Variants in SEPTIN11 observed in about 807,000 individuals in gnomAD.
SEPTIN11 encodes septin 11.
A neutral mutation model predicts 51.4 loss-of-function variants in SEPTIN11; 25 were observed. The ratio of observed to expected loss-of-function variants is 0.49; its 90% CI spans 0.35 to 0.68. The LOEUF (loss-of-function observed/expected upper bound fraction) is 0.68, where lower values mean the gene tolerates loss of function less well. Ranked by LOEUF, SEPTIN11 falls within the 30% of genes least tolerant of loss-of-function variation. The pLI is 0.00. For missense variants in SEPTIN11, 381 were observed against 520.8 expected (o/e 0.73, Z 2.61); for synonymous variants, 174 against 184.1 (o/e 0.95, Z 0.44).
chr4:76,973,940 A>C (rs955789616), intron 1 of SEPTIN11, among the ~76,000 whole-genome samples: 1 of 152,294 alleles, frequency 6.6e-6, no homozygotes, highest in South Asian at 2.1e-4. Flanking sequence ...TACACCACCA[A>C]CATTTTATAT....
At chr4:77,028,795 T>C (rs920052108) in intron 8 of SEPTIN11, 34 bp downstream of exon 8, 3 of 1,582,954 alleles carry the variant, frequency 1.9e-6, no homozygotes, top group African/African-American at 2.7e-5. Flanking sequence ...GGGAAAGATT[T>C]GTAAGAGAGA....
chr4:77,035,924 A>G lies in SEPTIN11; in HGVS notation c.*1412A>G, dbSNP rs1435476655. The stretch of plus-strand genomic sequence containing the variant: ...AGCTTTCTCTCTACATGTAGAAAGG[A>G]TAACATTTCTCATGAACCCACTGCC... On this transcript the variant is annotated 3_prime_UTR_variant, in exon 10 of 10. Coordinates refer to ENST00000264893, the MANE Select transcript of SEPTIN11 (RefSeq NM_018243.4). 1.0e-6 allele frequency: 1 copy of G among 985,684 alleles called. No individual in the cohort carries two copies. Among genetic ancestry groups the G allele is most frequent in the African/African-American group, 1.7e-5 (1 of 57,250 alleles). The allele number at this position is 985,684 out of a possible 1,614,324, so 61.1% of individuals were successfully genotyped here.
Position 76,984,021 on chromosome 4 carries a change from A to G in SEPTIN11, c.28-12404A>G, listed in dbSNP as rs1202223989. ...GACTCCATTTCAGGGAAAAAAAGAAAAGAAAAAAAGAACTCTTAGGAAGAC... is the reference window on the plus strand; with the variant it reads ...GACTCCATTTCAGGGAAAAAAAGAAGAGAAAAAAAGAACTCTTAGGAAGAC... On this transcript the variant is annotated intron_variant, in intron 1 of 9. Coordinates refer to ENST00000264893, the MANE Select transcript of SEPTIN11 (RefSeq NM_018243.4). The surrounding 1 kb of genome is among the most constrained non-coding windows in gnomAD (Gnocchi z 4.1). Among the ~76,000 whole-genome samples the G allele has an allele frequency of 6.6e-6, 1 of 152,234 alleles. No individual in the cohort carries two copies. Among genetic ancestry groups the G allele is most frequent in the Non-Finnish European group, 1.5e-5 (1 of 68,050 alleles).
intron 1 of SEPTIN11, among the ~76,000 whole-genome samples, chr4:76,983,728 G>A (rs1722887005): frequency 6.6e-6 from 1 of 152,208 alleles, no homozygotes; most frequent in Admixed American, 6.5e-5. Context: ...AACTCTTAGA[G>A]GCCAGGTGTG....
At chr4:76,981,623 C>T (rs1196041161) in intron 1 of SEPTIN11, among the ~76,000 whole-genome samples, 1 of 152,124 alleles carries the variant, frequency 6.6e-6, no homozygotes, top group African/African-American at 2.4e-5. Context: ...TTATTTGGTC[C>T]TATTTTTTGA....
At chr4:76,986,430 C>CTAT (rs1723031617) in intron 1 of SEPTIN11, among the ~76,000 whole-genome samples, 1 of 151,934 alleles carries the variant, frequency 6.6e-6, no homozygotes, top group Non-Finnish European at 1.5e-5. Context: ...TTATGGTTGG[C>CTAT]TATTAAAGTC....
chr4:76,977,327 G>A (rs1722547358), intron 1 of SEPTIN11, among the ~76,000 whole-genome samples: 1 of 152,180 alleles, frequency 6.6e-6, no homozygotes, highest in South Asian at 2.1e-4. Flanking sequence ...TTATGTTGCT[G>A]CCATGGTGGC....
At position 77,034,796 on chromosome 4, in the gene SEPTIN11, T is replaced by A; in HGVS notation, c.*284T>A. The stretch of plus-strand genomic sequence containing the variant: ...GAATGGCAGCACGAAGCAGGCCTGT[T>A]ACTTGTATGTCGCTTTGGACAGAGG... On this transcript the variant is annotated 3_prime_UTR_variant, in exon 10 of 10. Coordinates refer to ENST00000264893, the MANE Select transcript of SEPTIN11 (RefSeq NM_018243.4). 2.7e-6 allele frequency: 3 copies of A among 1,126,362 alleles called. No homozygotes were observed. The highest frequency in any genetic ancestry group is 2.2e-6 in the Non-Finnish European group (2 of 921,110). 69.8% of individuals were successfully genotyped at this position (1,126,362 alleles called of 1,614,324 possible). A position where few individuals can be genotyped will look rare whatever the true frequency, so the allele number is the denominator to read the frequency against.
intron 1 of SEPTIN11, chr4:76,985,132 T>C (rs1389214325): frequency 1.3e-5 from 2 of 152,252 alleles, no homozygotes; most frequent in Non-Finnish European, 2.9e-5. Context: ...TGGTCAGCAC[T>C]TTGTAATGTT....
chr4:76,965,022 GT>G (rs1174144511), intron 1 of SEPTIN11, among the ~76,000 whole-genome samples: 1 of 152,104 alleles, frequency 6.6e-6, no homozygotes, highest in Non-Finnish European at 1.5e-5. Flanking sequence ...GCATTGCTAA[GT>G]CATTCTTACC....
At chr4:77,015,485 A>G (rs547002109) in intron 5 of SEPTIN11, among the ~76,000 whole-genome samples, 1 of 152,276 alleles carries the variant, frequency 6.6e-6, no homozygotes, top group South Asian at 2.1e-4. Context: ...CATCACAGAG[A>G]GGAACTAGTC....
chr4:77,034,383 A>G, intron 9 of SEPTIN11, 114 bp from the exon 10 acceptor site: 1 of 928,338 alleles, frequency 1.1e-6, no homozygotes, highest in Middle Eastern at 3.6e-4. Context: ...TCAATTCCAT[A>G]ATCATTGCAT....
At chr4:76,998,771 G>A (rs2109938472) in intron 2 of SEPTIN11, among the ~76,000 whole-genome samples, 1 of 152,120 alleles carries the variant, frequency 6.6e-6, no homozygotes, top group East Asian at 1.9e-4. Context: ...ACAGCAGTCT[G>A]GCTCTGTCAG....
chr4:76,950,677 G>A (rs1007959012), intron 1 of SEPTIN11, among the ~76,000 whole-genome samples: 1 of 152,128 alleles, frequency 6.6e-6, no homozygotes, highest in Non-Finnish European at 1.5e-5. Flanking sequence ...TAGGAGGGAG[G>A]AGATACCTTT....
chr4:76,978,815 C>T (rs1237668114), intron 1 of SEPTIN11, among the ~76,000 whole-genome samples: 1 of 152,230 alleles, frequency 6.6e-6, no homozygotes, highest in African/African-American at 2.4e-5. Context: ...TACCGTGTCT[C>T]TCCCTCCCTG....
intron 1 of SEPTIN11, among the ~76,000 whole-genome samples, chr4:76,977,625 TC>T (rs1300163194): frequency 4.6e-5 from 7 of 152,148 alleles, no homozygotes; most frequent in Non-Finnish European, 8.8e-5. Context: ...ATATTTTTTT[TC>T]ATTAGTCTAA....
At position 77,015,402 on chromosome 4, in the gene SEPTIN11, C is replaced by T. The variant is rs530690727; in HGVS notation, c.687+385C>T. 6.2e-4 allele frequency among the ~76,000 whole-genome samples: 94 copies of T among 152,202 alleles called. 1 individual carries two copies. The highest frequency in any genetic ancestry group is 2.3e-3 in the African/African-American group (94 of 41,538). ...TTTTGCTTTGGTGATTGGATCCTGC[C>T]CTTCCCTCCTTTCTATTTTCCCTAT... On this transcript the variant is annotated intron_variant, in intron 5 of 9. Coordinates refer to ENST00000264893, the MANE Select transcript of SEPTIN11 (RefSeq NM_018243.4).
chr4:77,036,501 T>G lies in SEPTIN11; in HGVS notation c.*1989T>G. On this transcript the variant is annotated 3_prime_UTR_variant, in exon 10 of 10. Coordinates refer to ENST00000264893, the MANE Select transcript of SEPTIN11 (RefSeq NM_018243.4). ...TGTCTCTTGCATCACTAAAATTTTT[T>G]TAAAATGAGCATAACAACGAAAGGC... is the stretch of plus-strand genomic sequence containing the variant. 7.5e-7 allele frequency: 1 copy of G among 1,327,452 alleles called. No individual in the cohort carries two copies. The highest frequency in any genetic ancestry group is 9.6e-7 in the Non-Finnish European group (1 of 1,039,180). 82.2% of individuals were successfully genotyped at this position (1,327,452 alleles called of 1,614,324 possible). A position where few individuals can be genotyped will look rare whatever the true frequency, so the allele number is the denominator to read the frequency against.
At chr4:77,011,472 G>A (rs1724860117) in intron 3 of SEPTIN11, among the ~76,000 whole-genome samples, 1 of 147,614 alleles carries the variant, frequency 6.8e-6, no homozygotes, top group Admixed American at 6.8e-5. Flanking sequence ...GTTTCTCGCA[G>A]AGGGGCCAGC....
Sources: gnomAD v4.1 joint callset for allele counts (sites outside exome capture counted in the v4.1 genomes callset) on GRCh38, gnomAD v4.1.1 for gene constraint, Gnocchi (gnomAD v3.1) non-coding constraint, MANE v1.5 for transcripts, NCBI Gene and HGNC (gene_info 2026-07-23, HGNC 2026-07-21) for gene names.